ROBO1: variants seen among roughly 807,000 people sequenced by gnomAD.
ROBO1 encodes roundabout homolog 1.
In ROBO1, 149 loss-of-function variants were observed where a neutral mutation model predicts 195.9. The observed-to-expected ratio is 0.76, with a 90% CI of 0.67 to 0.87. The LOEUF (loss-of-function observed/expected upper bound fraction) is 0.87, where lower values mean the gene tolerates loss of function less well. Ranked by LOEUF, ROBO1 falls within the 40% of genes least tolerant of loss-of-function variation. The pLI, the probability that ROBO1 is intolerant of heterozygous loss-of-function variation, is 0.00. For synonymous variants in ROBO1, 816 were observed against 733.2 expected (o/e 1.11, Z -1.82); for missense variants, 1,933 against 2,068.3 (o/e 0.93, Z 1.27).
At chr3:79,663,348 G>T (rs975474172) in intron 1 of ROBO1, among the ~76,000 whole-genome samples, 1 of 152,082 alleles carries the variant, frequency 6.6e-6, no homozygotes, top group African/African-American at 2.4e-5. Context: ...TCAAAAGGCA[G>T]TGCTTGCAAT....
intron 2 of ROBO1, among the ~76,000 whole-genome samples, chr3:79,463,243 C>T (rs1377063353): frequency 3.3e-5 from 5 of 151,908 alleles, no homozygotes; most frequent in African/African-American, 9.7e-5. Flanking sequence ...GGCGTGGTGG[C>T]GGGCGCCTGT....
intron 2 of ROBO1, among the ~76,000 whole-genome samples, chr3:79,470,689 G>C (rs1421163963): frequency 6.6e-6 from 1 of 151,974 alleles, no homozygotes; most frequent in Non-Finnish European, 1.5e-5. Context: ...AGTCTCAAGA[G>C]GTCTGATGGT....
At chr3:79,297,279 TG>T (rs1280809132) in intron 2 of ROBO1, among the ~76,000 whole-genome samples, 3 of 152,300 alleles carry the variant, frequency 2.0e-5, no homozygotes, top group African/African-American at 7.2e-5. Flanking sequence ...TGCTCTTCAA[TG>T]GGTCATTTGT....
chr3:78,639,995 C>G, intron 21 of ROBO1, 97 bp from the exon 22 acceptor site: 1 of 991,660 alleles, frequency 1.0e-6, no homozygotes, highest in Non-Finnish European at 1.4e-6. Flanking sequence ...GTTATGCTCA[C>G]AAATCATCTG....
intron 2 of ROBO1, among the ~76,000 whole-genome samples, chr3:79,290,056 T>C (rs2032147197): frequency 6.6e-6 from 1 of 152,142 alleles, no homozygotes; most frequent in African/African-American, 2.4e-5. Flanking sequence ...TTTCTTTTTT[T>C]GAGATGGAGT....
At chr3:78,693,166 T>C (rs2081213167) in intron 8 of ROBO1, 2 of 699,092 alleles carry the variant, frequency 2.9e-6, no homozygotes, top group Non-Finnish European at 4.6e-6. Context: ...TTTACTCTTT[T>C]CACAGTTACC....
At chr3:79,447,692 C>T (rs2039308711) in intron 2 of ROBO1, among the ~76,000 whole-genome samples, 1 of 149,886 alleles carries the variant, frequency 6.7e-6, no homozygotes, top group South Asian at 2.1e-4. Context: ...CAAAACTAGT[C>T]GCTAAACAAA....
intron 8 of ROBO1, among the ~76,000 whole-genome samples, chr3:78,708,152 G>T (rs1046759534): frequency 6.6e-6 from 1 of 152,114 alleles, no homozygotes; most frequent in African/African-American, 2.4e-5. Flanking sequence ...AGTTCACCCT[G>T]TTTAAGCAAT....
chr3:79,397,713 A>C (rs368006493), intron 2 of ROBO1, among the ~76,000 whole-genome samples: 1 of 152,326 alleles, frequency 6.6e-6, no homozygotes, highest in South Asian at 2.1e-4. Flanking sequence ...ACATTTATAA[A>C]GTACAAAAGC....
At position 78,740,173 on chromosome 3, in the gene ROBO1, CCTT is replaced by C. The variant is rs573206368; in HGVS notation, c.657+6567_657+6569del. On this transcript the variant is annotated intron_variant, in intron 5 of 30. Transcript: ENST00000464233. ...ACTATTATCATCATCATCATCATCTCCTTCTTCTTCACCTTCTTCATAAGACTA... is the reference window on the plus strand; with the variant it reads ...ACTATTATCATCATCATCATCATCTCCTTCTTCACCTTCTTCATAAGACTA... Among the ~76,000 whole-genome samples the C allele has an allele frequency of 5.2e-3, 798 of 152,100 alleles. 5 individuals carry two copies. The highest frequency in any genetic ancestry group is 0.011 in the South Asian group (52 of 4,818).
intron 4 of ROBO1, among the ~76,000 whole-genome samples, chr3:78,874,266 C>T (rs924534591): frequency 2.6e-5 from 4 of 151,922 alleles, no homozygotes; most frequent in African/African-American, 9.7e-5. Flanking sequence ...TATTAAAATA[C>T]ACCTTTATTT....
At chr3:79,352,280 C>G (rs2035373397) in intron 2 of ROBO1, among the ~76,000 whole-genome samples, 1 of 152,136 alleles carries the variant, frequency 6.6e-6, no homozygotes, top group Non-Finnish European at 1.5e-5. Context: ...CCTTTACTTA[C>G]TATTCCTTAT....
rs578172288 is a variant in ROBO1, at chr3:79,198,482, G to A, written c.89-72943C>T. 3.7e-4 allele frequency among the ~76,000 whole-genome samples: 57 copies of A among 152,116 alleles called. 1 individual carries two copies. The highest frequency in any genetic ancestry group is 1.3e-3 in the African/African-American group (55 of 41,532). On this transcript the variant is annotated intron_variant, in intron 2 of 30. Transcript: ENST00000464233. ...GAAGTCAGGTAGCATGATGCCTCCA[G>A]CTTTGTTCTTTTTGCTTAGGATTGT...
At chr3:79,653,627 C>T (rs988622007) in intron 1 of ROBO1, among the ~76,000 whole-genome samples, 2 of 151,806 alleles carry the variant, frequency 1.3e-5, no homozygotes, top group East Asian at 1.9e-4. Flanking sequence ...ATGAATAGAT[C>T]AGTGTCTTAG....
chr3:78,834,852 C>G (rs927168294), intron 4 of ROBO1, among the ~76,000 whole-genome samples: 2 of 152,022 alleles, frequency 1.3e-5, no homozygotes, highest in African/African-American at 4.8e-5. Context: ...TCGTGTTGCA[C>G]TAAACAGTTG....
At chr3:79,363,730 G>GC (rs1413160206) in intron 2 of ROBO1, among the ~76,000 whole-genome samples, 1 of 152,152 alleles carries the variant, frequency 6.6e-6, no homozygotes, top group African/African-American at 2.4e-5. Context: ...GCAGTCTTGT[G>GC]CATACATAAG....
chr3:78,997,891 GAGA>G (rs2077406678), intron 3 of ROBO1, among the ~76,000 whole-genome samples: 3 of 152,284 alleles, frequency 2.0e-5, no homozygotes, highest in East Asian at 1.9e-4. Flanking sequence ...TGTGGGGAAA[GAGA>G]AGGTCTATCT....
chr3:79,014,387 C>A (rs1367505499), intron 3 of ROBO1, among the ~76,000 whole-genome samples: 1 of 152,146 alleles, frequency 6.6e-6, no homozygotes, highest in Non-Finnish European at 1.5e-5. Flanking sequence ...GCAGGAGAAT[C>A]ACGTGAACCC....
At chr3:78,985,246 G>A in intron 3 of ROBO1, among the ~76,000 whole-genome samples, 1 of 152,102 alleles carries the variant, frequency 6.6e-6, no homozygotes, top group East Asian at 1.9e-4. Flanking sequence ...GCTGCAATGA[G>A]CAGTGATTGC....
Sources: allele counts gnomAD v4.1 joint callset (sites outside exome capture counted in the v4.1 genomes callset), GRCh38; gene constraint gnomAD v4.1.1; transcripts MANE v1.5; gene names NCBI Gene and HGNC (gene_info 2026-07-23, HGNC 2026-07-21).